PPP1R26: variants seen among roughly 807,000 people sequenced by gnomAD.
PPP1R26 encodes protein phosphatase 1 regulatory subunit 26.
PPP1R26 carries 22 observed loss-of-function variants against 67.6 expected under a neutral mutation model. The observed-to-expected ratio is 0.33, with a 90% CI of 0.23 to 0.46. The LOEUF (loss-of-function observed/expected upper bound fraction) is 0.46. Among genes scored for constraint, PPP1R26 ranks in the 20% least tolerant of loss-of-function variants. The pLI is 1.00. For missense variants in PPP1R26, 1,602 were observed against 1,651.4 expected, an observed-to-expected ratio of 0.97 and a Z score of 0.52; for synonymous variants, 729 against 717.2, an observed-to-expected ratio of 1.02 and a Z score of -0.26.
intron 1 of PPP1R26, among the ~76,000 whole-genome samples, chr9:135,481,380 A>G (rs1811364424): frequency 1.3e-5 from 2 of 151,776 alleles, no homozygotes; most frequent in South Asian, 4.2e-4. Context: ...AGCTGGAACT[A>G]CAGACGTGGG....
intron 1 of PPP1R26, chr9:135,480,740 T>G (rs921221230): frequency 2.6e-5 from 4 of 152,276 alleles, no homozygotes; most frequent in African/African-American, 2.4e-5. Context: ...GTAGTGAGGT[T>G]GTAAAATTGC....
At position 135,486,672 on chromosome 9, in the gene PPP1R26, A is replaced by C; in HGVS notation, c.2162A>C (p.Lys721Thr). The C allele has an allele frequency of 6.2e-7, 1 of 1,607,246 alleles. No homozygotes were observed. Among genetic ancestry groups the C allele is most frequent in the Non-Finnish European group, 8.5e-7 (1 of 1,177,446 alleles). ...CREPRAACRK[K>T]VRFSTAQTHF... Reference sequence around the variant, plus strand: ...GAGCCCAGGGCTGCGTGCAGGAAGAAGGTCAGGTTCAGCACAGCCCAGACG... The same window carrying C: ...GAGCCCAGGGCTGCGTGCAGGAAGACGGTCAGGTTCAGCACAGCCCAGACG... The change falls in exon 4 of 4, where the codon AAG becomes ACG. Residue 721 changes from lysine to threonine, a missense_variant. Lys to Thr is a moderately conservative substitution (Grantham distance 78). Around this residue, in one of 5 missense-constraint regions of PPP1R26, gnomAD observed 740 missense variants for 696.3 expected, o/e 1.06. Coordinates refer to ENST00000356818, the MANE Select transcript of PPP1R26 (RefSeq NM_014811.5). This position sits in a 1 kb window ranked among gnomAD's most constrained non-coding sequence, Gnocchi z 6.2.
At position 135,484,830 on chromosome 9, in the gene PPP1R26, C is replaced by T. The variant is rs1326764702; in HGVS notation, c.320C>T (p.Pro107Leu). 1 of 1,610,536 alleles carries T rather than the reference C, an allele frequency of 6.2e-7. No homozygotes were observed. Reference protein sequence around the residue: ...AVCGLVADFDPMGEEETTDFG... With the variant: ...AVCGLVADFDLMGEEETTDFG... Reference sequence around the variant, plus strand: ...TGTGGTCTCGTTGCTGACTTTGACCCCATGGGGGAGGAGGAAACTACAGAC... The same window carrying T: ...TGTGGTCTCGTTGCTGACTTTGACCTCATGGGGGAGGAGGAAACTACAGAC... The change falls in exon 4 of 4, where the codon CCC becomes CTC. Residue 107 changes from proline to leucine, a missense_variant. Physicochemically the swap from Pro to Leu is moderately conservative, Grantham distance 98. This residue lies in a region of PPP1R26 where 168 missense variants were observed against 176.1 expected (regional missense o/e 0.95). Coordinates refer to ENST00000356818, the MANE Select transcript of PPP1R26 (RefSeq NM_014811.5).
At chr9:135,483,893 A>G in intron 2 of PPP1R26, 57 bp from the exon 3 acceptor site, 1 of 398,564 alleles carries the variant, frequency 2.5e-6, no homozygotes, top group Non-Finnish European at 4.4e-6. Context: ...GCAGCCCTTC[A>G]AGATGTTTGG....
Position 135,485,424 on chromosome 9 carries a change from T to C in PPP1R26, c.914T>C (p.Leu305Pro). ...AAGATGAACGTCCAGCCCAGAAGCC[T>C]CAGGTCCAAGGTCACAACCACGCAG... is the stretch of plus-strand genomic sequence containing the variant. ...LAKMNVQPRS[L>P]RSKVTTTQEN... Residue 305 changes from leucine to proline, a missense_variant, in exon 4 of 4, where the codon CTC becomes CCC. By Grantham distance (98) the Leu-to-Pro change is moderately conservative (BLOSUM62 -3). Coordinates refer to ENST00000356818, the MANE Select transcript of PPP1R26 (RefSeq NM_014811.5). This position sits in a 1 kb window ranked among gnomAD's most constrained non-coding sequence, Gnocchi z 7.2. The C allele has an allele frequency of 2.5e-6, 4 of 1,612,648 alleles. No individual in the cohort carries two copies. Among genetic ancestry groups the C allele is most frequent in the Non-Finnish European group, 3.4e-6 (4 of 1,179,866 alleles).
upstream of PPP1R26, among the ~76,000 whole-genome samples, chr9:135,479,409 C>T (rs371809774): frequency 6.7e-3 from 1,012 of 151,716 alleles, 17 homozygotes; most frequent in East Asian, 0.05. The surrounding 1 kb of genome is among the most constrained non-coding windows in gnomAD (Gnocchi z 5.9). Flanking sequence ...CCACGCCCCC[C>T]GCGCCCAGAA....
chr9:135,487,826 C>A lies in PPP1R26; in HGVS notation c.3316C>A (p.His1106Asn). 1 of 1,593,486 alleles carries A rather than the reference C, an allele frequency of 6.3e-7. No homozygotes were observed. The highest frequency in any genetic ancestry group is 1.1e-5 in the South Asian group (1 of 88,778). ...CAGGCAGGCTGGCCTCTTCAGCCCCCACCTGGGGCTGCCTCTGCAGGGCCC... is the reference window on the plus strand; with the variant it reads ...CAGGCAGGCTGGCCTCTTCAGCCCCAACCTGGGGCTGCCTCTGCAGGGCCC... The part of the protein sequence containing the change: ...GGRQAGLFSP[H>N]LGLPLQGPSF... Residue 1106 changes from histidine (H) to asparagine (N), a missense_variant, in exon 4 of 4, where the codon CAC becomes AAC. His to Asn is a moderately conservative substitution (Grantham distance 68). Coordinates refer to ENST00000356818, the MANE Select transcript of PPP1R26 (RefSeq NM_014811.5).
rs189673212 is a variant in PPP1R26 at position 135,486,660 on chromosome 9, C to T, written c.2150C>T (p.Ala717Val). Reference sequence around the variant, plus strand: ...AAGAGGTGCAGGGAGCCCAGGGCTGCGTGCAGGAAGAAGGTCAGGTTCAGC... The same window carrying T: ...AAGAGGTGCAGGGAGCCCAGGGCTGTGTGCAGGAAGAAGGTCAGGTTCAGC... ...LKKRCREPRA[A>V]CRKKVRFSTA... The change falls in exon 4 of 4, where the codon GCG becomes GTG. Residue 717 changes from alanine to valine, a missense_variant. Ala to Val is a moderately conservative substitution (Grantham distance 64). This residue lies in a region of PPP1R26 where 740 missense variants were observed against 696.3 expected (regional missense o/e 1.06). Coordinates refer to ENST00000356818, the MANE Select transcript of PPP1R26 (RefSeq NM_014811.5). This position sits in a 1 kb window ranked among gnomAD's most constrained non-coding sequence, Gnocchi z 6.2. The T allele has an allele frequency of 2.5e-5, 41 of 1,609,094 alleles. No homozygotes were observed. Among genetic ancestry groups the T allele is most frequent in the East Asian group, 2.5e-4 (11 of 44,808 alleles).
At position 135,487,643 on chromosome 9, in the gene PPP1R26, G is replaced by A. The variant is rs752087422; in HGVS notation, c.3133G>A (p.Glu1045Lys). 1.8e-5 allele frequency: 26 copies of A among 1,475,952 alleles called. No individual in the cohort carries two copies. The highest frequency in any genetic ancestry group is 2.1e-4 in the Middle Eastern group (1 of 4,754). The allele number at this position is 1,475,952 out of a possible 1,614,324, so 91.4% of individuals were successfully genotyped here. A position where few individuals can be genotyped will look rare whatever the true frequency, so the allele number is the denominator to read the frequency against. The change falls in exon 4 of 4, where the codon GAA becomes AAA. Residue 1045 changes from glutamate (E) to lysine (K), a missense_variant. Glu to Lys is a moderately conservative substitution (Grantham distance 56). Around this residue, in one of 5 missense-constraint regions of PPP1R26, gnomAD observed 740 missense variants for 696.3 expected, o/e 1.06. Transcript: ENST00000356818. ...GCCCAGCCCGTGGGTGCTGCGCTCCGAAGGCAGAGATGCAGTGTGGAGGGG... is the reference window on the plus strand; with the variant it reads ...GCCCAGCCCGTGGGTGCTGCGCTCCAAAGGCAGAGATGCAGTGTGGAGGGG... ...RLPSPWVLRS[E>K]GRDAVWRGGV... is the part of the protein sequence containing the mutation.
chr9:135,482,685 A>G lies in PPP1R26; in HGVS notation c.-326A>G, dbSNP rs1830560492. The G allele has an allele frequency of 2.5e-6, 1 of 398,562 alleles. No individual in the cohort carries two copies. The highest frequency in any genetic ancestry group is 4.4e-6 in the Non-Finnish European group (1 of 226,056). 24.7% of individuals were successfully genotyped at this position (398,562 alleles called of 1,614,324 possible). A position where few individuals can be genotyped will look rare whatever the true frequency, so the allele number is the denominator to read the frequency against. On this transcript the variant is annotated splice_region_variant and 5_prime_UTR_variant, in exon 2 of 4. Coordinates refer to ENST00000356818, the MANE Select transcript of PPP1R26 (RefSeq NM_014811.5). ...CTGATTCTCTTTGATTCTGGTAGTC[A>G]AAAGTCTATTGAAAAAGCAGAGAGA...
Position 135,486,098 on chromosome 9 carries a change from A to G in PPP1R26, c.1588A>G (p.Ser530Gly). The G allele has an allele frequency of 6.2e-7, 1 of 1,613,006 alleles. No homozygotes were observed. Among genetic ancestry groups the G allele is most frequent in the Non-Finnish European group, 8.5e-7 (1 of 1,180,038 alleles). ...TGACGGCGACAGTAGCTCCGTGGACAGCGATGACAGCATCGAGCAGGAAAT... is the reference window on the plus strand; with the variant it reads ...TGACGGCGACAGTAGCTCCGTGGACGGCGATGACAGCATCGAGCAGGAAAT... Reference protein sequence around the residue: ...RSDGDSSSVDSDDSIEQEIRT... With the variant: ...RSDGDSSSVDGDDSIEQEIRT... Residue 530 changes from serine (S) to glycine (G), a missense_variant, in exon 4 of 4, where the codon AGC becomes GGC. Ser to Gly is a moderately conservative substitution (Grantham distance 56). Transcript: ENST00000356818. The surrounding 1 kb of genome is among the most constrained non-coding windows in gnomAD (Gnocchi z 6.2).
rs774750336 is a variant in PPP1R26, at chr9:135,484,592, C to A, written c.82C>A (p.Pro28Thr). Reference sequence around the variant, plus strand: ...TGGCCCGCCAGGGAGCTGTAGGTTCCCCAGGTGCTTCTCGGAGGCTGACGA... The same window carrying A: ...TGGCCCGCCAGGGAGCTGTAGGTTCACCAGGTGCTTCTCGGAGGCTGACGA... ...AFGPPGSCRF[P>T]RCFSEADEGV... is the part of the protein sequence containing the mutation. Residue 28 changes from proline (P) to threonine (T), a missense_variant, in exon 4 of 4, where the codon CCC (proline) becomes ACC (threonine). Coordinates refer to ENST00000356818, the MANE Select transcript of PPP1R26 (RefSeq NM_014811.5). 1.7e-5 allele frequency: 28 copies of A among 1,612,674 alleles called. No homozygotes were observed. The highest frequency in any genetic ancestry group is 1.9e-5 in the Non-Finnish European group (23 of 1,180,014).
chr9:135,485,724 A>G lies in PPP1R26; in HGVS notation c.1214A>G (p.His405Arg), dbSNP rs774517402. The G allele has an allele frequency of 4.3e-5, 69 of 1,610,302 alleles. No homozygotes were observed. The highest frequency in any genetic ancestry group is 2.9e-5 in the Non-Finnish European group (34 of 1,180,012). Reference protein sequence around the residue: ...REERAPDPPAHSTSSATKSAL... With the variant: ...REERAPDPPARSTSSATKSAL... Reference sequence around the variant, plus strand: ...GAGAGAGCGCCTGACCCTCCCGCACACAGCACAAGCAGTGCCACAAAAAGT... The same window carrying G: ...GAGAGAGCGCCTGACCCTCCCGCACGCAGCACAAGCAGTGCCACAAAAAGT... The change falls in exon 4 of 4, where the codon CAC (histidine) becomes CGC (arginine). Residue 405 changes from histidine (H) to arginine (R), a missense_variant. Physicochemically the swap from His to Arg is conservative, Grantham distance 29. This residue lies in a region of PPP1R26 where 680 missense variants were observed against 726.1 expected (regional missense o/e 0.94). Coordinates refer to ENST00000356818, the MANE Select transcript of PPP1R26 (RefSeq NM_014811.5). This position sits in a 1 kb window ranked among gnomAD's most constrained non-coding sequence, Gnocchi z 7.2.
intron 1 of PPP1R26, among the ~76,000 whole-genome samples, chr9:135,481,504 G>A (rs979896985): frequency 6.6e-5 from 10 of 151,890 alleles, no homozygotes; most frequent in Admixed American, 5.9e-4. Flanking sequence ...ACCTCCCAGA[G>A]TGCTGGGATT....
intron 1 of PPP1R26, 136 bp from the exon 2 acceptor site, chr9:135,482,547 A>C: frequency 2.5e-6 from 1 of 395,046 alleles, no homozygotes; most frequent in Non-Finnish European, 4.5e-6. Context: ...TTGTGGTTAA[A>C]TGTCTTAGAG....
At position 135,487,342 on chromosome 9, in the gene PPP1R26, C is replaced by T. The variant is rs145084022; in HGVS notation, c.2832C>T (p.Gly944=). The change falls in exon 4 of 4, where the codon GGC becomes GGT. Residue 944 remains glycine (G), a synonymous_variant. Coordinates refer to ENST00000356818, the MANE Select transcript of PPP1R26 (RefSeq NM_014811.5). ...GDPVPPRSTS[G]GVSAKGLSVS... ...CGGTGCCGCCCAGGAGCACCAGCGGCGGTGTCTCCGCCAAGGGGCTCTCAG... is the reference window on the plus strand; with the variant it reads ...CGGTGCCGCCCAGGAGCACCAGCGGTGGTGTCTCCGCCAAGGGGCTCTCAG... 1,750 of 1,552,236 alleles carry T rather than the reference C, an allele frequency of 1.1e-3. 2 individuals are homozygous for T. The highest frequency in any genetic ancestry group is 1.4e-3 in the Non-Finnish European group (1,595 of 1,151,702).
In PPP1R26 at chr9:135,488,113, T is replaced by TGGC. The variant is rs1452789902; in HGVS notation, c.3607_3609dup (p.Gly1203dup). On this transcript the variant is annotated inframe_insertion, in exon 4 of 4. Coordinates refer to ENST00000356818, the MANE Select transcript of PPP1R26 (RefSeq NM_014811.5). ...TCAGCGACACCTCCACGGAGGACAG[T>TGGC]GGCGGCAGCTCAGTAGTGAAGGTCT... The TGGC allele has an allele frequency of 1.3e-6, 2 of 1,533,884 alleles. No individual in the cohort carries two copies. Among genetic ancestry groups the TGGC allele is most frequent in the Non-Finnish European group, 1.8e-6 (2 of 1,141,546 alleles).
rs1830749140 is a variant in PPP1R26, at chr9:135,486,777, A to G, written c.2267A>G (p.Lys756Arg). The G allele has an allele frequency of 4.4e-6, 7 of 1,588,050 alleles. No individual in the cohort carries two copies. The highest frequency in any genetic ancestry group is 6.0e-6 in the Non-Finnish European group (7 of 1,167,856). The stretch of plus-strand genomic sequence containing the variant: ...CCAGTGCTGAAGAGCTGCCTCTCCA[A>G]GTCCAAGAGAGACAGTGGCGAGGGT... Reference protein sequence around the residue: ...GPPVLKSCLSKSKRDSGEGPG... With the variant: ...GPPVLKSCLSRSKRDSGEGPG... The change falls in exon 4 of 4, where the codon AAG (lysine) becomes AGG (arginine). Residue 756 changes from lysine (K) to arginine (R), a missense_variant. By Grantham distance (26) the Lys-to-Arg change is conservative. Around this residue, in one of 5 missense-constraint regions of PPP1R26, gnomAD observed 740 missense variants for 696.3 expected, o/e 1.06. Transcript: ENST00000356818. This position sits in a 1 kb window ranked among gnomAD's most constrained non-coding sequence, Gnocchi z 6.2.
intron 1 of PPP1R26, 79 bp downstream of exon 1, chr9:135,480,101 C>CCGGGGCCGGCGCGCCGTG (rs1262619156): frequency 3.4e-5 from 5 of 149,084 alleles, no homozygotes; most frequent in African/African-American, 9.8e-5. Flanking sequence ...GCCAGCCAGG[C>CCGGGGCCGGCGCGCCGTG]CGGGGCCGGC....
Sources: allele counts gnomAD v4.1 joint callset (sites outside exome capture counted in the v4.1 genomes callset), GRCh38; gene constraint gnomAD v4.1.1; regional missense constraint gnomAD v4.1.1; non-coding constraint Gnocchi (gnomAD v3.1); transcripts MANE v1.5; gene names NCBI Gene and HGNC (gene_info 2026-07-23, HGNC 2026-07-21).